Variants in ATP2A3 observed in about 807,000 individuals in gnomAD.
ATP2A3 encodes the protein ATPase sarcoplasmic/endoplasmic reticulum Ca2+ transporting 3.
ATP2A3 carries 61 observed loss-of-function variants against 106.8 expected under a neutral mutation model. The observed-to-expected ratio is 0.57, with a 90% CI of 0.46 to 0.71. ATP2A3 has a LOEUF of 0.71. ATP2A3 is among the 30% of genes least tolerant of loss of function. The pLI, the probability that ATP2A3 is intolerant of heterozygous loss-of-function variation, is 0.00. For missense variants in ATP2A3, 1,201 were observed against 1,423.5 expected, an observed-to-expected ratio of 0.84 and a Z score of 2.52; for synonymous variants, 611 against 609.3, an observed-to-expected ratio of 1.00 and a Z score of -0.04.
chr17:3,924,576 C>G lies in ATP2A3; in HGVS notation c.*846G>C. On this transcript the variant is annotated 3_prime_UTR_variant, in exon 21 of 21. Transcript: ENST00000397041. The surrounding 1 kb of genome is among the most constrained non-coding windows in gnomAD (Gnocchi z 6.4). ...CTGAGGATGTCGGTGGTCTCAGGTACCAGGGACGCGGGTGGCAAGTTGGAC... is the reference window on the plus strand; with the variant it reads ...CTGAGGATGTCGGTGGTCTCAGGTAGCAGGGACGCGGGTGGCAAGTTGGAC... 2.8e-6 allele frequency: 1 copy of G among 351,542 alleles called. No individual in the cohort carries two copies. Among genetic ancestry groups the G allele is most frequent in the South Asian group, 2.1e-5 (1 of 47,934 alleles). 21.8% of individuals were successfully genotyped at this position (351,542 alleles called of 1,614,324 possible). A position where few individuals can be genotyped will look rare whatever the true frequency, so the allele number is the denominator to read the frequency against.
intron 16 of ATP2A3, among the ~76,000 whole-genome samples, chr17:3,935,548 T>TC (rs891426638): frequency 1.3e-5 from 2 of 149,956 alleles, no homozygotes; most frequent in African/African-American, 4.9e-5. Context: ...TTTTTTTTTT[T>TC]TTTTTTTGAG....
At chr17:3,943,554 G>T in intron 10 of ATP2A3, 32 bp from the exon 11 acceptor site, 1 of 1,613,450 alleles carries the variant, frequency 6.2e-7, no homozygotes. Context: ...GGGAGTGAGG[G>T]GCAGGCAGCC....
intron 12 of ATP2A3, 148 bp downstream of exon 12, chr17:3,942,458 A>G (rs560089542): frequency 8.1e-7 from 1 of 1,240,372 alleles, no homozygotes; most frequent in African/African-American, 1.5e-5. Context: ...AACCACCCCT[A>G]CACCACCGGT....
Position 3,924,790 on chromosome 17 carries a change from C to A in ATP2A3, c.*632G>T, listed in dbSNP as rs907437711. ...TTGTGTCCGTCTCTCTGACCCTTCACCCGCCCGGGCCCTGCACATATAAAC... is the reference window on the plus strand; with the variant it reads ...TTGTGTCCGTCTCTCTGACCCTTCAACCGCCCGGGCCCTGCACATATAAAC... On this transcript the variant is annotated 3_prime_UTR_variant, in exon 21 of 21. Transcript: ENST00000397041. The surrounding 1 kb of genome is among the most constrained non-coding windows in gnomAD (Gnocchi z 6.4). 2 of 456,558 alleles carry A rather than the reference C, an allele frequency of 4.4e-6. No homozygotes were observed. The highest frequency in any genetic ancestry group is 6.9e-5 in the East Asian group (1 of 14,396). The allele number at this position is 456,558 out of a possible 1,614,324, so 28.3% of individuals were successfully genotyped here.
chr17:3,962,384 G>A (rs2055189678), intron 1 of ATP2A3, among the ~76,000 whole-genome samples: 1 of 152,176 alleles, frequency 6.6e-6, no homozygotes, highest in South Asian at 2.1e-4. Flanking sequence ...TGAGATAATA[G>A]ATGAAAAATG....
rs1382895921 is a variant in ATP2A3, at chr17:3,924,366, G to A, written c.*1056C>T. On this transcript the variant is annotated 3_prime_UTR_variant, in exon 21 of 21. Transcript: ENST00000397041. The surrounding 1 kb of genome is among the most constrained non-coding windows in gnomAD (Gnocchi z 6.4). ...TGTTCCTCCAGCAGGGAGGGAGGGA[G>A]AGCGGGTGCCCTTGGGGAATCAGCC... 1 of 165,444 alleles carries A rather than the reference G, an allele frequency of 6.0e-6. No homozygotes were observed. Among genetic ancestry groups the A allele is most frequent in the Non-Finnish European group, 1.3e-5 (1 of 75,942 alleles). The allele number at this position is 165,444 out of a possible 1,614,324, so 10.2% of individuals were successfully genotyped here. A position where few individuals can be genotyped will look rare whatever the true frequency, so the allele number is the denominator to read the frequency against.
intron 20 of ATP2A3, chr17:3,927,168 C>A: frequency 1.0e-6 from 1 of 985,436 alleles, no homozygotes; most frequent in Non-Finnish European, 1.2e-6. Context: ...TCCCTCCCAG[C>A]CCTCCTAGCC....
intron 17 of ATP2A3, among the ~76,000 whole-genome samples, chr17:3,932,503 G>A (rs1021266085): frequency 2.0e-5 from 3 of 152,196 alleles, no homozygotes; most frequent in Non-Finnish European, 2.9e-5. Flanking sequence ...GCAGTGGCAC[G>A]ATCTCAGCTC....
intron 15 of ATP2A3, 44 bp downstream of exon 15, chr17:3,937,372 A>G (rs1461927291): frequency 8.8e-6 from 14 of 1,589,730 alleles, no homozygotes; most frequent in East Asian, 2.3e-5. Context: ...TCAGGGGCAC[A>G]GAGCGGATTG....
At chr17:3,935,686 T>C (rs2144361346) in intron 16 of ATP2A3, among the ~76,000 whole-genome samples, 1 of 152,232 alleles carries the variant, frequency 6.6e-6, no homozygotes, top group East Asian at 1.9e-4. Context: ...TACAGGCACC[T>C]GCCATCATGC....
Position 3,924,980 on chromosome 17 carries a change from G to A in ATP2A3, c.*442C>T. 1 of 388,546 alleles carries A rather than the reference G, an allele frequency of 2.6e-6. No individual in the cohort carries two copies. The allele number at this position is 388,546 out of a possible 1,614,324, so 24.1% of individuals were successfully genotyped here. A position where few individuals can be genotyped will look rare whatever the true frequency, so the allele number is the denominator to read the frequency against. ...CGAAGAGAGAGGTCAGAGCCGGTAA[G>A]AAGGACCCCCAGAGTCCTCCGTCAG... On this transcript the variant is annotated 3_prime_UTR_variant, in exon 21 of 21. Coordinates refer to ENST00000397041, the MANE Select transcript of ATP2A3 (RefSeq NM_005173.4). The surrounding 1 kb of genome is among the most constrained non-coding windows in gnomAD (Gnocchi z 6.4).
rs1800912 is a variant in ATP2A3 at position 3,941,493 on chromosome 17, C to T, written c.1707G>A (p.Ala569=). Residue 569 remains alanine, a synonymous_variant, in exon 13 of 21, where the codon GCG becomes GCA. Transcript: ENST00000397041. ...GCTCCATGTCCTCCTTCCTTGGGGG[C>T]GCGTCCCGGGTGGCCAGTGCCAGGC... ...LRCLALATRD[A]PPRKEDMELD... 45 of 1,613,770 alleles carry T rather than the reference C, an allele frequency of 2.8e-5. No homozygotes were observed. The East Asian group carries it at 3.3e-4, about 12-fold the overall frequency.
At position 3,945,318 on chromosome 17, in the gene ATP2A3, G is replaced by GCAGGGACCGTCTGCTCT. The variant is rs2054052953; in HGVS notation, c.1096-187_1096-171dup. 1.4e-5 allele frequency: 8 copies of GCAGGGACCGTCTGCTCT among 563,358 alleles called. 1 individual carries two copies. The South Asian group carries it at 1.7e-4, about 12-fold the overall frequency. The allele number at this position is 563,358 out of a possible 1,614,324, so 34.9% of individuals were successfully genotyped here. A position where few individuals can be genotyped will look rare whatever the true frequency, so the allele number is the denominator to read the frequency against. ...AATAGAACGCAGGGTCCAGGCTGAG[G>GCAGGGACCGTCTGCTCT]CAGGGACCGTCTGCTCTGCCAGATG... On this transcript the variant is annotated intron_variant, in intron 8 of 20. Coordinates refer to ENST00000397041, the MANE Select transcript of ATP2A3 (RefSeq NM_005173.4).
In ATP2A3 at chr17:3,943,527, C is replaced by A; in HGVS notation, c.1288-5G>T. ...CTTCTCATACACACCCTTGGCCTGG[C>A]AAGGACCCAGGGGATAGGGAGTGAG... is the stretch of plus-strand genomic sequence containing the variant. On this transcript the variant is annotated splice_polypyrimidine_tract_variant and splice_region_variant and intron_variant, in intron 10 of 20. Coordinates refer to ENST00000397041, the MANE Select transcript of ATP2A3 (RefSeq NM_005173.4). 3 of 1,614,030 alleles carry A rather than the reference C, an allele frequency of 1.9e-6. No homozygotes were observed. Among genetic ancestry groups the A allele is most frequent in the Non-Finnish European group, 2.5e-6 (3 of 1,179,938 alleles).
At position 3,947,804 on chromosome 17, in the gene ATP2A3, G is replaced by A; in HGVS notation, c.682C>T (p.Leu228=). 7 of 1,600,270 alleles carry A rather than the reference G, an allele frequency of 4.4e-6. No homozygotes were observed. Among genetic ancestry groups the A allele is most frequent in the Non-Finnish European group, 5.9e-6 (7 of 1,179,864 alleles). Residue 228 remains leucine, a synonymous_variant, in exon 8 of 21, where the codon CTG becomes TTG. Transcript: ENST00000397041. This position sits in a 1 kb window ranked among gnomAD's most constrained non-coding sequence, Gnocchi z 7.7. ...KAVGVAVATG[L]HTELGKIRSQ... is the part of the protein sequence containing the mutation. ...CGGATCTTGCCCAGCTCCGTGTGCA[G>A]GCCGGTGGCCACGGCCACACCCACC...
At chr17:3,948,188 G>A (rs763482455) in intron 7 of ATP2A3, among the ~76,000 whole-genome samples, 2 of 152,140 alleles carry the variant, frequency 1.3e-5, no homozygotes, top group Non-Finnish European at 2.9e-5. Context: ...ATGTGATTTC[G>A]TAAACAATCA....
chr17:3,929,440 G>A lies in ATP2A3; in HGVS notation c.2750C>T (p.Ser917Leu), dbSNP rs1355711936. ...IEMCNALNSV[S>L]ENQSLLRMPP... ...CATCCGCAGCAGCGACTGGTTCTCC[G>A]AGACGCTGCCAGGGCACAGGGTGCT... The change falls in exon 19 of 21, where the codon TCG becomes TTG. Residue 917 changes from serine (S) to leucine (L), a missense_variant. Coordinates refer to ENST00000397041, the MANE Select transcript of ATP2A3 (RefSeq NM_005173.4). The surrounding 1 kb of genome is among the most constrained non-coding windows in gnomAD (Gnocchi z 4.3). 16 of 1,591,492 alleles carry A rather than the reference G, an allele frequency of 1.0e-5. No homozygotes were observed. Among genetic ancestry groups the A allele is most frequent in the Non-Finnish European group, 1.3e-5 (15 of 1,170,060 alleles).
Position 3,944,825 on chromosome 17 carries a change from C to G in ATP2A3, c.1185-19G>C. On this transcript the variant is annotated intron_variant, in intron 9 of 20. Coordinates refer to ENST00000397041, the MANE Select transcript of ATP2A3 (RefSeq NM_005173.4). ...CTGCCGCCTGCGGAGCCGGGGCGGTCACCAGGAGGACCTCGGCTCCGCCCC... is the reference window on the plus strand; with the variant it reads ...CTGCCGCCTGCGGAGCCGGGGCGGTGACCAGGAGGACCTCGGCTCCGCCCC... The G allele has an allele frequency of 1.3e-6, 2 of 1,599,094 alleles. No homozygotes were observed. Among genetic ancestry groups the G allele is most frequent in the South Asian group, 1.1e-5 (1 of 89,554 alleles).
At chr17:3,948,350 T>C (rs144483826) in intron 7 of ATP2A3, among the ~76,000 whole-genome samples, 180 of 152,320 alleles carry the variant, frequency 1.2e-3, no homozygotes, top group African/African-American at 3.9e-3. Flanking sequence ...GCCAGCCTTG[T>C]GGCTTGGTGT....
Sources: gnomAD v4.1 joint callset for allele counts (sites outside exome capture counted in the v4.1 genomes callset) on GRCh38, gnomAD v4.1.1 for gene constraint, Gnocchi (gnomAD v3.1) non-coding constraint, MANE v1.5 for transcripts, NCBI Gene and HGNC (gene_info 2026-07-23, HGNC 2026-07-21) for gene names.